LRRC37A2: variants seen among roughly 807,000 people sequenced by gnomAD.
The protein encoded by LRRC37A2 is leucine-rich repeat-containing protein 37A2.
A neutral mutation model predicts 68.8 loss-of-function variants in LRRC37A2; 9 were observed. The ratio of observed to expected loss-of-function variants is 0.13; its 90% CI spans 0.08 to 0.23. LRRC37A2 has a LOEUF of 0.23. Among genes scored for constraint, LRRC37A2 ranks in the 10% least tolerant of loss-of-function variants. The pLI is 1.00. For synonymous variants in LRRC37A2, 63 were observed against 367.6 expected, an observed-to-expected ratio of 0.17 and a Z score of 9.48; for missense variants, 168 against 950.4, an observed-to-expected ratio of 0.18 and a Z score of 10.82.
chr17:46,811,535 C>T, the LRRC37A2 span, among the ~76,000 whole-genome samples: 7 of 152,328 alleles, frequency 4.6e-5, no homozygotes, highest in Non-Finnish European at 1.0e-4. Flanking sequence ...GCAGGACCTT[C>T]TCTCCAGCCC....
chr17:46,717,689 G>A, the LRRC37A2 span, among the ~76,000 whole-genome samples: 80 of 152,294 alleles, frequency 5.3e-4, 1 homozygote, highest in Non-Finnish European at 1.0e-3. Flanking sequence ...TCCAGCCTGG[G>A]CGACAGAGCA....
At chr17:46,796,747 T>C in the LRRC37A2 span, among the ~76,000 whole-genome samples, 1 of 152,202 alleles carries the variant, frequency 6.6e-6, no homozygotes, top group Non-Finnish European at 1.5e-5. Context: ...CAGTCCCTGG[T>C]TCCTGGCTGC....
the LRRC37A2 span, among the ~76,000 whole-genome samples, chr17:47,011,174 C>T: frequency 6.6e-6 from 1 of 152,172 alleles, no homozygotes; most frequent in Non-Finnish European, 1.5e-5. Flanking sequence ...GCCTCCTTAG[C>T]AACATACACC....
the LRRC37A2 span, among the ~76,000 whole-genome samples, chr17:46,384,052 CTA>C: frequency 5.1e-5 from 4 of 78,694 alleles, no homozygotes; most frequent in Admixed American, 1.3e-4. Flanking sequence ...ATTTGCAATG[CTA>C]TCTCTGTATT....
chr17:46,859,032 A>T, the LRRC37A2 span, among the ~76,000 whole-genome samples: 1 of 145,626 alleles, frequency 6.9e-6, no homozygotes, highest in African/African-American at 2.6e-5. Flanking sequence ...GCTGGAGTGC[A>T]GTGGCATGAT....
the LRRC37A2 span, among the ~76,000 whole-genome samples, chr17:47,000,034 A>AAAAT: frequency 4.1e-5 from 1 of 24,578 alleles, no homozygotes; most frequent in Admixed American, 7.9e-4. Context: ...AAAATAAAAT[A>AAAAT]AAATAAAATA....
the LRRC37A2 span, among the ~76,000 whole-genome samples, chr17:46,678,848 G>T: frequency 7.5e-6 from 1 of 132,816 alleles, no homozygotes; most frequent in Non-Finnish European, 1.6e-5. Flanking sequence ...TCAATCAAAG[G>T]CCATTTTTAA....
chr17:47,002,301 A>T, the LRRC37A2 span, among the ~76,000 whole-genome samples: 1 of 152,194 alleles, frequency 6.6e-6, no homozygotes, highest in African/African-American at 2.4e-5. Flanking sequence ...TAATCACATC[A>T]TGGAAAGTGG....
At chr17:46,876,170 G>A in the LRRC37A2 span, 2 of 1,387,022 alleles carry the variant, frequency 1.4e-6, no homozygotes, top group African/African-American at 2.9e-5. Context: ...CCCTGCTGGG[G>A]TTGGTGCTCT....
At chr17:46,845,004 C>T in the LRRC37A2 span, among the ~76,000 whole-genome samples, 5 of 152,166 alleles carry the variant, frequency 3.3e-5, no homozygotes, top group Admixed American at 3.3e-4. Context: ...TGCACCACCA[C>T]ACCTGGCTAA....
chr17:47,023,281 G>A, the LRRC37A2 span, among the ~76,000 whole-genome samples: 6 of 152,246 alleles, frequency 3.9e-5, no homozygotes, highest in African/African-American at 1.2e-4. Context: ...AGACACATAA[G>A]TGATTTTGGA....
chr17:46,799,925 C>A, the LRRC37A2 span, among the ~76,000 whole-genome samples: 1 of 152,118 alleles, frequency 6.6e-6, no homozygotes, highest in African/African-American at 2.4e-5. Flanking sequence ...TGTCACAGAG[C>A]CTACCCTCTT....
the LRRC37A2 span, among the ~76,000 whole-genome samples, chr17:46,801,545 G>C: frequency 1.0e-3 from 156 of 152,288 alleles, 3 homozygotes; most frequent in Non-Finnish European, 6.6e-4. Context: ...GCTTGAACCT[G>C]GGAGGCGGAG....
the LRRC37A2 span, among the ~76,000 whole-genome samples, chr17:46,800,753 G>C: frequency 6.6e-6 from 1 of 152,166 alleles, no homozygotes; most frequent in African/African-American, 2.4e-5. Context: ...GGTGGTATGG[G>C]TTGAAAGATG....
the LRRC37A2 span, among the ~76,000 whole-genome samples, chr17:46,790,413 T>C: frequency 3.3e-5 from 5 of 151,986 alleles, no homozygotes; most frequent in Non-Finnish European, 7.4e-5. Context: ...GAAAGGGATT[T>C]AAGTGGTCTA....
the LRRC37A2 span, among the ~76,000 whole-genome samples, chr17:46,635,786 T>TGTGTGTGTGTGTG: frequency 6.5e-3 from 881 of 134,852 alleles, 69 homozygotes; most frequent in African/African-American, 0.024. Flanking sequence ...AATGTGTGTG[T>TGTGTGTGTGTGTG]GTGTGTGTGT....
intron 6 of LRRC37A2, among the ~76,000 whole-genome samples, chr17:46,534,869 G>A (rs1381213045): frequency 6.7e-6 from 1 of 149,670 alleles, no homozygotes; most frequent in Non-Finnish European, 1.5e-5. Flanking sequence ...CCGGGCAGAG[G>A]GGCTCCTCAC....
the LRRC37A2 span, among the ~76,000 whole-genome samples, chr17:47,000,069 TAAAATAAAAAA>T: frequency 7.0e-4 from 18 of 25,596 alleles, no homozygotes; most frequent in South Asian, 3.7e-3. Flanking sequence ...AAAATTAAAA[TAAAATAAAAAA>T]TAAAATAAAA....
the LRRC37A2 span, among the ~76,000 whole-genome samples, chr17:46,910,699 C>T: frequency 2.0e-5 from 3 of 152,274 alleles, no homozygotes; most frequent in South Asian, 2.1e-4. Flanking sequence ...GCTGAGTGGT[C>T]GGGAAGGCTG....
Sources: allele counts gnomAD v4.1 joint callset (sites outside exome capture counted in the v4.1 genomes callset), GRCh38; gene constraint gnomAD v4.1.1; transcripts MANE v1.5; gene names NCBI Gene and HGNC (gene_info 2026-07-23, HGNC 2026-07-21).